Variants in BTBD9 observed in about 807,000 individuals in gnomAD.
The protein encoded by BTBD9 is BTB/POZ domain-containing protein 9.
In BTBD9, 49 loss-of-function variants were observed where a neutral mutation model predicts 64.3. The observed-to-expected ratio is 0.76, with a 90% confidence interval of 0.61 to 0.97. BTBD9 has a LOEUF of 0.97. Ranked by LOEUF, BTBD9 falls within the 50% of genes least tolerant of loss-of-function variation. The pLI is 0.00. For missense variants in BTBD9, 598 were observed against 762.1 expected, an observed-to-expected ratio of 0.78 and a Z score of 2.53; for synonymous variants, 260 against 274.7, an observed-to-expected ratio of 0.95 and a Z score of 0.53.
intron 6 of BTBD9, among the ~76,000 whole-genome samples, chr6:38,390,250 A>G (rs934313854): frequency 6.6e-6 from 1 of 152,096 alleles, no homozygotes; most frequent in Admixed American, 6.5e-5. Flanking sequence ...ATGTCCAGCT[A>G]ATTTTTGTAT....
At chr6:38,459,287 G>C (rs1380360570) in intron 6 of BTBD9, among the ~76,000 whole-genome samples, 1 of 152,134 alleles carries the variant, frequency 6.6e-6, no homozygotes, top group Non-Finnish European at 1.5e-5. Context: ...CAAAGTGCTG[G>C]GATTACAGGC....
At chr6:38,627,970 C>T (rs1388669056) in intron 1 of BTBD9, among the ~76,000 whole-genome samples, 2 of 152,176 alleles carry the variant, frequency 1.3e-5, no homozygotes, top group African/African-American at 4.8e-5. Flanking sequence ...AATTGAAGCT[C>T]TGCCTATCAT....
At chr6:38,370,521 T>C (rs1018373243) in intron 6 of BTBD9, among the ~76,000 whole-genome samples, 1 of 152,206 alleles carries the variant, frequency 6.6e-6, no homozygotes, top group African/African-American at 2.4e-5. Context: ...TTCTAGTACT[T>C]TCACTCTCCA....
Position 38,379,906 on chromosome 6 carries a change from T to C in BTBD9, c.1155-34813A>G, listed in dbSNP as rs116345118. On this transcript the variant is annotated intron_variant, in intron 6 of 10. Transcript: ENST00000481247. ...AGTCATCTATTGTCATATTAGGAAA[T>C]TAATAGAAGGTGACTACAATTGATT... Among the ~76,000 whole-genome samples, 957 of 152,226 alleles carry C rather than the reference T, an allele frequency of 6.3e-3. 11 individuals carry two copies. The highest frequency in any genetic ancestry group is 0.019 in the African/African-American group (800 of 41,542).
At chr6:38,615,113 T>A (rs1423635829) in intron 1 of BTBD9, among the ~76,000 whole-genome samples, 3 of 152,236 alleles carry the variant, frequency 2.0e-5, no homozygotes, top group Non-Finnish European at 2.9e-5. Flanking sequence ...TTGGCATAAG[T>A]TGATCCCTTG....
chr6:38,385,199 T>C (rs1766099394), intron 6 of BTBD9, among the ~76,000 whole-genome samples: 1 of 149,614 alleles, frequency 6.7e-6, no homozygotes, highest in African/African-American at 2.5e-5. Context: ...CGTACTTTTT[T>C]TTTTTCTTTT....
chr6:38,222,427 A>AT (rs1267682931), intron 9 of BTBD9, among the ~76,000 whole-genome samples: 2 of 151,442 alleles, frequency 1.3e-5, no homozygotes, highest in Admixed American at 6.6e-5. Context: ...TGCCCATCTA[A>AT]TTTTTGTATT....
In BTBD9 at chr6:38,593,974, GA is replaced by G. The variant is rs769375010; in HGVS notation, c.538del (p.Ser180ProfsTer8). 1 of 1,612,132 alleles carries G rather than the reference GA, an allele frequency of 6.2e-7. No individual in the cohort carries two copies. Among genetic ancestry groups the G allele is most frequent in the Non-Finnish European group, 8.5e-7 (1 of 1,179,038 alleles). On this transcript the variant is annotated frameshift_variant, in exon 3 of 11. Transcript: ENST00000481247. LOFTEE classifies it high-confidence loss of function. ...QEVLSSEGFL[S>X]LSKTALLNIV... ...AGACAAATGACACACCTTAGAAAGG[GA>G]GAGGAAACCTTCACTTGAGAGGACT... is the stretch of plus-strand genomic sequence containing the variant.
intron 10 of BTBD9, among the ~76,000 whole-genome samples, chr6:38,182,388 T>C (rs974753420): frequency 3.3e-5 from 5 of 152,088 alleles, no homozygotes; most frequent in African/African-American, 1.2e-4. Context: ...GGCTATAGAG[T>C]GGTAGAGGTA....
At chr6:38,403,978 C>G (rs1477622745) in intron 6 of BTBD9, among the ~76,000 whole-genome samples, 21 of 152,114 alleles carry the variant, frequency 1.4e-4, no homozygotes, top group Non-Finnish European at 2.9e-5. Flanking sequence ...AAGCCAGACA[C>G]AAAAGGCCAC....
intron 9 of BTBD9, among the ~76,000 whole-genome samples, chr6:38,252,567 T>C (rs965996975): frequency 1.8e-4 from 27 of 152,208 alleles, no homozygotes; most frequent in African/African-American, 5.8e-4. Flanking sequence ...TATTTATTTA[T>C]TAATTTGTAA....
At chr6:38,583,201 C>A (rs1776370771) in intron 4 of BTBD9, among the ~76,000 whole-genome samples, 1 of 152,166 alleles carries the variant, frequency 6.6e-6, no homozygotes. Context: ...CACCACAAGT[C>A]AAAACTAAGC....
intron 1 of BTBD9, among the ~76,000 whole-genome samples, chr6:38,621,064 G>A (rs1377256235): frequency 3.9e-5 from 6 of 152,172 alleles, no homozygotes; most frequent in Admixed American, 3.3e-4. Context: ...CATACCTAAG[G>A]AAATTGATAT....
intron 6 of BTBD9, among the ~76,000 whole-genome samples, chr6:38,473,573 G>A (rs186445783): frequency 1.3e-5 from 2 of 152,244 alleles, no homozygotes; most frequent in Non-Finnish European, 1.5e-5. Flanking sequence ...CAATATGGAA[G>A]CTCAGTAAGA....
intron 6 of BTBD9, among the ~76,000 whole-genome samples, chr6:38,418,771 A>ACCTTTT (rs1476499653): frequency 2.0e-5 from 3 of 152,262 alleles, no homozygotes; most frequent in South Asian, 4.2e-4. Flanking sequence ...TCAGGAATGA[A>ACCTTTT]TTTTTACTCC....
intron 6 of BTBD9, among the ~76,000 whole-genome samples, chr6:38,547,089 C>T (rs546666499): frequency 1.2e-3 from 178 of 152,162 alleles, no homozygotes; most frequent in Non-Finnish European, 2.2e-3. Context: ...TATCTGATTG[C>T]TCCATCAACT....
At chr6:38,386,297 G>T (rs1379633116) in intron 6 of BTBD9, among the ~76,000 whole-genome samples, 1 of 151,824 alleles carries the variant, frequency 6.6e-6, no homozygotes, top group Non-Finnish European at 1.5e-5. Context: ...ATTTCATAAG[G>T]AAAAACTCCA....
chr6:38,369,236 T>C (rs1765316663), intron 6 of BTBD9, among the ~76,000 whole-genome samples: 1 of 152,142 alleles, frequency 6.6e-6, no homozygotes, highest in South Asian at 2.1e-4. Context: ...CCATCCTCCA[T>C]CAAATCCATT....
chr6:38,467,395 ACCT>A (rs1291175613), intron 6 of BTBD9, among the ~76,000 whole-genome samples: 5 of 152,174 alleles, frequency 3.3e-5, no homozygotes, highest in African/African-American at 1.2e-4. Context: ...GTATACAAAT[ACCT>A]TAGAAATAAA....
Sources: allele counts gnomAD v4.1 joint callset (sites outside exome capture counted in the v4.1 genomes callset), GRCh38; gene constraint gnomAD v4.1.1; transcripts MANE v1.5; gene names NCBI Gene and HGNC (gene_info 2026-07-23, HGNC 2026-07-21).